SGK1: variants seen among roughly 807,000 people sequenced by gnomAD.
SGK1 encodes the protein serum/glucocorticoid regulated kinase 1, also known as serine/threonine-protein kinase Sgk1.
In SGK1, 26 loss-of-function variants were observed where a neutral mutation model predicts 64.2. That is an observed-to-expected ratio of 0.40 (90% CI 0.30 to 0.56). SGK1 has a LOEUF of 0.56. Ranked by LOEUF, SGK1 falls within the 20% of genes least tolerant of loss-of-function variation. The probability of loss-of-function intolerance (pLI) is 0.38; values close to 1 mark genes in which losing one functional copy is unlikely to be tolerated. For synonymous variants in SGK1, 265 were observed against 239.7 expected, an observed-to-expected ratio of 1.11 and a Z score of -0.98; for missense variants, 519 against 645.6, an observed-to-expected ratio of 0.80 and a Z score of 2.12.
At chr6:134,202,722 G>A (rs767291329) in intron 3 of SGK1, among the ~76,000 whole-genome samples, 1 of 152,062 alleles carries the variant, frequency 6.6e-6, no homozygotes, top group Non-Finnish European at 1.5e-5. Flanking sequence ...TGATACCAGA[G>A]AGAAACAGAT....
chr6:134,223,898 T>C (rs2114704977), intron 2 of SGK1, among the ~76,000 whole-genome samples: 1 of 152,354 alleles, frequency 6.6e-6, no homozygotes, highest in African/African-American at 2.4e-5. Context: ...TTTAAATATT[T>C]CTTATATGCC....
chr6:134,183,872 G>A (rs940177269), intron 3 of SGK1, among the ~76,000 whole-genome samples: 14 of 35,566 alleles, frequency 3.9e-4, no homozygotes, highest in East Asian at 1.6e-3. Context: ...CCCCACCCCC[G>A]GCATTGGATC....
At chr6:134,264,372 G>A (rs531129932) in intron 1 of SGK1, among the ~76,000 whole-genome samples, 1 of 152,008 alleles carries the variant, frequency 6.6e-6, no homozygotes, top group Non-Finnish European at 1.5e-5. Flanking sequence ...GCCCACCTTG[G>A]CCTCCCATAG....
In SGK1 at chr6:134,230,950, G is replaced by A. The variant is rs186779508; in HGVS notation, c.286-23519C>T. ...AATCACTTGAACCTGGGAGGCAGAG[G>A]CTGTAGTGAGCCAAGATCACACCAC... is the stretch of plus-strand genomic sequence containing the variant. On this transcript the variant is annotated intron_variant, in intron 2 of 13. Transcript: ENST00000367858. Among the ~76,000 whole-genome samples, 55 of 152,264 alleles carry A rather than the reference G, an allele frequency of 3.6e-4. No homozygotes were observed. The East Asian group carries it at 0.01, about 28-fold the overall frequency.
intron 3 of SGK1, chr6:134,174,851 G>T (rs773238798): frequency 1.2e-6 from 2 of 1,612,730 alleles, no homozygotes; most frequent in Non-Finnish European, 8.5e-7. Flanking sequence ...TCAAAGACCG[G>T]CTCGGCGTAT....
intron 3 of SGK1, among the ~76,000 whole-genome samples, chr6:134,179,192 G>C (rs1775295091): frequency 6.6e-6 from 1 of 152,004 alleles, no homozygotes; most frequent in African/African-American, 2.4e-5. Context: ...CTTCTTAAAT[G>C]TATCAGCTGT....
At chr6:134,174,679 A>C (rs1355037756) in intron 3 of SGK1, 93 bp from the exon 4 acceptor site, 2 of 1,613,292 alleles carry the variant, frequency 1.2e-6, no homozygotes, top group Non-Finnish European at 1.7e-6. Context: ...CTTTCAAAAA[A>C]TTTCCACTTT....
chr6:134,173,395 C>A, intron 6 of SGK1, 38 bp from the exon 7 acceptor site: 1 of 1,589,844 alleles, frequency 6.3e-7, no homozygotes, highest in Non-Finnish European at 8.6e-7. Flanking sequence ...TTTCTATCCT[C>A]ATCCAGGGAG....
At position 134,204,554 on chromosome 6, in the gene SGK1, CTT is replaced by C. The variant is rs34485870; in HGVS notation, c.361+2800_361+2801del. ...TGTTCTGCATTAGTTTTTCTTGTAACTTTTTTTTTTTTTTTTGAGATGGAATT... is the reference window on the plus strand; with the variant it reads ...TGTTCTGCATTAGTTTTTCTTGTAACTTTTTTTTTTTTTTGAGATGGAATT... On this transcript the variant is annotated intron_variant, in intron 3 of 13. Transcript: ENST00000367858. Among the ~76,000 whole-genome samples, 915 of 128,184 alleles carry C rather than the reference CTT, an allele frequency of 7.1e-3. 3 individuals carry two copies. The highest frequency in any genetic ancestry group is 9.2e-3 in the Non-Finnish European group (556 of 60,642). The allele number at this position is 128,184 out of a possible 152,430, so 84.1% of individuals were successfully genotyped here.
intron 3 of SGK1, among the ~76,000 whole-genome samples, chr6:134,183,604 C>T (rs1049365978): frequency 5.9e-5 from 9 of 152,044 alleles, no homozygotes; most frequent in Non-Finnish European, 1.5e-5. Flanking sequence ...TTCCTCAGGC[C>T]CCGCTATGCC....
chr6:134,267,172 A>T (rs1332481811), intron 1 of SGK1, among the ~76,000 whole-genome samples: 7 of 150,554 alleles, frequency 4.6e-5, no homozygotes, highest in African/African-American at 7.3e-5. Flanking sequence ...ACAAAATAAA[A>T]TTTTTTTTAA....
intron 1 of SGK1, among the ~76,000 whole-genome samples, chr6:134,287,636 G>T (rs1469157424): frequency 6.6e-6 from 1 of 151,386 alleles, no homozygotes; most frequent in African/African-American, 2.4e-5. Flanking sequence ...GATAGTATAG[G>T]TTGTGTATAA....
intron 2 of SGK1, among the ~76,000 whole-genome samples, chr6:134,249,859 A>G (rs1776580564): frequency 6.6e-6 from 1 of 152,230 alleles, no homozygotes; most frequent in South Asian, 2.1e-4. Context: ...GATACATGCA[A>G]TTCTAAGCCA....
At chr6:134,259,194 T>C (rs1459459026) in intron 2 of SGK1, among the ~76,000 whole-genome samples, 2 of 152,218 alleles carry the variant, frequency 1.3e-5, no homozygotes, top group Non-Finnish European at 1.5e-5. Flanking sequence ...GGAATTTCAC[T>C]GTTGCATTGA....
At position 134,250,134 on chromosome 6, in the gene SGK1, T is replaced by C. The variant is rs145614926; in HGVS notation, c.285+11799A>G. Reference sequence around the variant, plus strand: ...AAGGAAAACAACAGGAAATACTCACTAGAGTAAAAGAGAAAAGTGAATCGA... The same window carrying C: ...AAGGAAAACAACAGGAAATACTCACCAGAGTAAAAGAGAAAAGTGAATCGA... On this transcript the variant is annotated intron_variant, in intron 2 of 13. Coordinates refer to ENST00000367858, the MANE Select transcript of SGK1 (RefSeq NM_001143676.3). Among the ~76,000 whole-genome samples, 489 of 152,264 alleles carry C rather than the reference T, an allele frequency of 3.2e-3. 1 individual carries two copies. Among genetic ancestry groups the C allele is most frequent in the African/African-American group, 9.2e-3 (381 of 41,546 alleles).
At chr6:134,174,281 G>C in intron 4 of SGK1, 1 of 603,694 alleles carries the variant, frequency 1.7e-6, no homozygotes, top group Non-Finnish European at 2.9e-6. Flanking sequence ...CATGGAGAAA[G>C]GCCGTGAATT....
At position 134,172,712 on chromosome 6, in the gene SGK1, A is replaced by G. The variant is rs747766096; in HGVS notation, c.897T>C (p.Ala299=). The change falls in exon 9 of 14, where the codon GCT becomes GCC. Residue 299 remains alanine (A), a synonymous_variant. Transcript: ENST00000367858. Reference sequence around the variant, plus strand: ...GGTAGCCCAAGGCACTGGCTATTTCAGCAGCATAGAAACGAGCCCGTGGTT... The same window carrying G: ...GGTAGCCCAAGGCACTGGCTATTTCGGCAGCATAGAAACGAGCCCGTGGTT... ...FLEPRARFYA[A]EIASALGYLH... The G allele has an allele frequency of 6.2e-7, 1 of 1,614,202 alleles. No individual in the cohort carries two copies. The highest frequency in any genetic ancestry group is 8.5e-7 in the Non-Finnish European group (1 of 1,179,992).
intron 2 of SGK1, among the ~76,000 whole-genome samples, chr6:134,213,032 T>TA (rs1775916649): frequency 6.6e-6 from 1 of 152,190 alleles, no homozygotes; most frequent in Non-Finnish European, 1.5e-5. Flanking sequence ...GTCATTATCA[T>TA]ACAAGTATCA....
chr6:134,212,080 G>GT lies in SGK1; in HGVS notation c.286-4650dup, dbSNP rs530075730. Among the ~76,000 whole-genome samples, 12 of 150,734 alleles carry GT rather than the reference G, an allele frequency of 8.0e-5. 1 individual carries two copies. The South Asian group carries it at 2.5e-3, about 32-fold the overall frequency. On this transcript the variant is annotated intron_variant, in intron 2 of 13. Coordinates refer to ENST00000367858, the MANE Select transcript of SGK1 (RefSeq NM_001143676.3). ...TTTTGTTTTTTTTGGGGGGGACGGA[G>GT]TCTCTCTCTGTCGCCCAGGCTGGAG...
Sources: allele counts gnomAD v4.1 joint callset (sites outside exome capture counted in the v4.1 genomes callset), GRCh38; gene constraint gnomAD v4.1.1; transcripts MANE v1.5; gene names NCBI Gene and HGNC (gene_info 2026-07-23, HGNC 2026-07-21).